Variants in JAKMIP2 observed in about 807,000 individuals in gnomAD.
The protein encoded by JAKMIP2 is janus kinase and microtubule-interacting protein 2.
Under a neutral mutation model 115.0 loss-of-function variants are expected in JAKMIP2, and 25 were observed. The observed-to-expected ratio is 0.22, with a 90% CI of 0.16 to 0.30. The LOEUF is 0.30. Ranked by LOEUF, JAKMIP2 falls within the 10% of genes least tolerant of loss-of-function variation. JAKMIP2 has a pLI of 1.00. For missense variants in JAKMIP2, 642 were observed against 957.6 expected, an observed-to-expected ratio of 0.67 and a Z score of 4.35; for synonymous variants, 334 against 343.6, an observed-to-expected ratio of 0.97 and a Z score of 0.31.
intron 1 of JAKMIP2, among the ~76,000 whole-genome samples, chr5:147,751,953 G>A (rs1356176371): frequency 6.6e-6 from 1 of 152,140 alleles, no homozygotes; most frequent in Non-Finnish European, 1.5e-5. Flanking sequence ...GCCAAAGTCT[G>A]CCGTCAGCTT....
chr5:147,623,652 T>C lies in JAKMIP2; in HGVS notation c.2033A>G (p.His678Arg), dbSNP rs112333933. Residue 678 changes from histidine (H) to arginine (R), a missense_variant, in exon 17 of 22, where the codon CAC (histidine) becomes CGC (arginine). Transcript: ENST00000616793. ...QQIEGAEAAL[H>R]QKMMELESDM... The stretch of plus-strand genomic sequence containing the variant: ...ACTTTCCAATTCCATCATTTTCTGG[T>C]GTAGGGCAGCCTCAGCTCCTTCAAT... The C allele has an allele frequency of 1.2e-6, 2 of 1,611,994 alleles. No homozygotes were observed. Among genetic ancestry groups the C allele is most frequent in the Non-Finnish European group, 1.7e-6 (2 of 1,178,204 alleles).
intron 1 of JAKMIP2, among the ~76,000 whole-genome samples, chr5:147,682,417 CA>C (rs1256528136): frequency 6.6e-6 from 1 of 152,122 alleles, no homozygotes; most frequent in East Asian, 1.9e-4. Context: ...ATTCCTCTGG[CA>C]GTAGAAGGTA....
intron 19 of JAKMIP2, among the ~76,000 whole-genome samples, chr5:147,615,273 A>C (rs1264838641): frequency 6.6e-6 from 1 of 152,176 alleles, no homozygotes; most frequent in African/African-American, 2.4e-5. Context: ...CATCAGGGAG[A>C]GGATCCTGAA....
At chr5:147,679,336 C>T (rs985499437) in intron 1 of JAKMIP2, among the ~76,000 whole-genome samples, 3 of 152,128 alleles carry the variant, frequency 2.0e-5, no homozygotes, top group African/African-American at 7.2e-5. Context: ...AATTCTTTGT[C>T]AGAAATGTAG....
intron 2 of JAKMIP2, among the ~76,000 whole-genome samples, chr5:147,671,469 T>A (rs928480115): frequency 6.6e-6 from 1 of 152,202 alleles, no homozygotes; most frequent in Non-Finnish European, 1.5e-5. Flanking sequence ...ATCTGTCTAG[T>A]GAGTATGCTA....
chr5:147,694,397 T>A (rs1294250574), intron 1 of JAKMIP2, among the ~76,000 whole-genome samples: 1 of 152,126 alleles, frequency 6.6e-6, no homozygotes, highest in East Asian at 1.9e-4. Flanking sequence ...GACTCCTTGA[T>A]GGGCTGTCTA....
intron 3 of JAKMIP2, among the ~76,000 whole-genome samples, chr5:147,659,024 T>A (rs1219579611): frequency 6.6e-6 from 1 of 151,990 alleles, no homozygotes; most frequent in Admixed American, 6.6e-5. Context: ...GATCCCTGGC[T>A]TCAGCCCCCT....
intron 1 of JAKMIP2, among the ~76,000 whole-genome samples, chr5:147,744,454 T>C (rs1754276537): frequency 6.6e-6 from 1 of 152,192 alleles, no homozygotes; most frequent in African/African-American, 2.4e-5. Context: ...CACTTCTATT[T>C]TGGAGCCTCC....
rs1410285436 is a variant in JAKMIP2, at chr5:147,684,506, G to T, written c.-148-12552C>A. On this transcript the variant is annotated intron_variant, in intron 1 of 21. Transcript: ENST00000616793. ...TGATTAAGGCTGGGAAATGAAGGGT[G>T]AATAGGAGGGATTGAGGAAAGTTAA... Among the ~76,000 whole-genome samples the T allele has an allele frequency of 2.6e-5, 4 of 152,198 alleles. No homozygotes were observed. The East Asian group carries it at 7.7e-4, about 29-fold the overall frequency.
intron 2 of JAKMIP2, among the ~76,000 whole-genome samples, chr5:147,669,415 C>T (rs1581385850): frequency 6.6e-6 from 1 of 152,280 alleles, no homozygotes; most frequent in Admixed American, 6.5e-5. Context: ...TTATGCTTGG[C>T]CTGCGGGCTT....
intron 1 of JAKMIP2, among the ~76,000 whole-genome samples, chr5:147,676,260 C>T (rs1759955209): frequency 6.6e-6 from 1 of 152,148 alleles, no homozygotes; most frequent in Non-Finnish European, 1.5e-5. Context: ...GGCGTGAACC[C>T]GGGAGGCGGA....
chr5:147,668,116 G>C (rs1561526513), intron 2 of JAKMIP2, among the ~76,000 whole-genome samples: 1 of 152,184 alleles, frequency 6.6e-6, no homozygotes, highest in African/African-American at 2.4e-5. Flanking sequence ...ATGCTTTGCA[G>C]TTTGAAGGGC....
At chr5:147,683,312 T>C (rs1760397167) in intron 1 of JAKMIP2, among the ~76,000 whole-genome samples, 1 of 152,096 alleles carries the variant, frequency 6.6e-6, no homozygotes, top group African/African-American at 2.4e-5. Context: ...GCCAACATAG[T>C]GAAACCCCAT....
chr5:147,651,059 C>T (rs1758372345), intron 3 of JAKMIP2, among the ~76,000 whole-genome samples: 2 of 151,850 alleles, frequency 1.3e-5, no homozygotes, highest in Admixed American at 6.6e-5. Context: ...GACTAACATG[C>T]TTGCATTCAG....
intron 5 of JAKMIP2, 52 bp from the exon 6 acceptor site, chr5:147,645,048 C>A (rs775293670): frequency 6.9e-6 from 11 of 1,585,380 alleles, no homozygotes; most frequent in Non-Finnish European, 9.5e-6. Flanking sequence ...GACGTGGGGG[C>A]AGGGGAGTAA....
chr5:147,658,621 G>A (rs957924123), intron 3 of JAKMIP2, among the ~76,000 whole-genome samples: 1 of 152,200 alleles, frequency 6.6e-6, no homozygotes, highest in Non-Finnish European at 1.5e-5. Flanking sequence ...CGCTGAAGCT[G>A]CTACCACAGC....
chr5:147,604,837 T>G (rs1755910825), intron 20 of JAKMIP2, among the ~76,000 whole-genome samples: 1 of 134,102 alleles, frequency 7.5e-6, no homozygotes, highest in South Asian at 2.5e-4. Flanking sequence ...ATTATTATTA[T>G]TATTATACTT....
chr5:147,762,323 C>T (rs1754956905), intron 1 of JAKMIP2, among the ~76,000 whole-genome samples: 1 of 151,924 alleles, frequency 6.6e-6, no homozygotes, highest in Non-Finnish European at 1.5e-5. Context: ...TTAGATTGTA[C>T]TCTTATTCGT....
At chr5:147,734,951 T>C (rs1002509173) in intron 1 of JAKMIP2, among the ~76,000 whole-genome samples, 7 of 152,136 alleles carry the variant, frequency 4.6e-5, no homozygotes, top group African/African-American at 1.7e-4. Context: ...TAGACACCTA[T>C]TTAAGAGTGA....
Sources: allele counts gnomAD v4.1 joint callset (sites outside exome capture counted in the v4.1 genomes callset), GRCh38; gene constraint gnomAD v4.1.1; transcripts MANE v1.5; gene names NCBI Gene and HGNC (gene_info 2026-07-23, HGNC 2026-07-21).